Variants in PKHD1L1 observed in about 807,000 individuals in gnomAD.
PKHD1L1 encodes the protein fibrocystin-L.
Under a neutral mutation model 462.9 loss-of-function variants are expected in PKHD1L1, and 434 were observed. The ratio of observed to expected loss-of-function variants is 0.94; its 90% CI spans 0.87 to 1.02. PKHD1L1 has a LOEUF of 1.02. Ranked by LOEUF, PKHD1L1 falls within the 50% of genes least tolerant of loss-of-function variation. The pLI is 0.00. For missense variants in PKHD1L1, 5,202 were observed against 5,096.1 expected (o/e 1.02, Z -0.63); for synonymous variants, 1,781 against 1,750.0 (o/e 1.02, Z -0.44).
chr8:109,362,737 G>A, intron 1 of PKHD1L1, 84 bp downstream of exon 1: 1 of 1,437,036 alleles, frequency 7.0e-7, no homozygotes, highest in Non-Finnish European at 9.6e-7. Flanking sequence ...GGGAGAGGCA[G>A]GACCACCTGG....
chr8:109,438,591 G>A, intron 31 of PKHD1L1, 135 bp downstream of exon 31: 3 of 742,204 alleles, frequency 4.0e-6, no homozygotes, highest in Non-Finnish European at 6.2e-6. Flanking sequence ...GTGTGTGTAT[G>A]TTTTATCATA....
rs182317480 is a variant in PKHD1L1, at chr8:109,467,481, A to G, written c.8605+712A>G. On this transcript the variant is annotated intron_variant, in intron 50 of 77. Transcript: ENST00000378402. ...GAGGTGGCAAAATGGTTCCTAGAGT[A>G]TAGAGTATCCACATAGTTCCTCCTA... Among the ~76,000 whole-genome samples the G allele has an allele frequency of 3.7e-3, 541 of 145,958 alleles. 6 individuals carry two copies. The highest frequency in any genetic ancestry group is 0.013 in the African/African-American group (521 of 39,636).
At chr8:109,382,619 C>T (rs776962049) in intron 4 of PKHD1L1, 48 bp downstream of exon 4, 2 of 1,480,990 alleles carry the variant, frequency 1.4e-6, no homozygotes, top group Non-Finnish European at 9.2e-7. Flanking sequence ...ATCTTGCTTT[C>T]TTTCCTGCAG....
Position 109,404,658 on chromosome 8 carries a change from C to T in PKHD1L1, c.1478C>T (p.Ala493Val). Residue 493 changes from alanine to valine, a missense_variant, in exon 15 of 78, where the codon GCA becomes GTA. Physicochemically the swap from Ala to Val is moderately conservative, Grantham distance 64 (BLOSUM62 0). Transcript: ENST00000378402. ...TATACTGAACAACAAACAGGAGATG[C>T]AGTGAATGAAGAACAAGTTATCAAA... ...NVYTEQQTGD[A>V]VNEEQVIKSQ... 2 of 1,608,082 alleles carry T rather than the reference C, an allele frequency of 1.2e-6. No individual in the cohort carries two copies. The highest frequency in any genetic ancestry group is 1.7e-6 in the Non-Finnish European group (2 of 1,176,892).
At chr8:109,419,309 T>C in intron 22 of PKHD1L1, 49 bp downstream of exon 22, 1 of 1,414,132 alleles carries the variant, frequency 7.1e-7, no homozygotes, top group Non-Finnish European at 9.5e-7. Context: ...TAGTAAAATC[T>C]TACCATGGAA....
intron 10 of PKHD1L1, 55 bp downstream of exon 10, chr8:109,394,540 T>C: frequency 2.5e-6 from 3 of 1,183,166 alleles, no homozygotes; most frequent in African/African-American, 1.6e-5. Context: ...CAGTGTATAA[T>C]TGATTTAATC....
intron 55 of PKHD1L1, 63 bp downstream of exon 55, chr8:109,480,202 C>A: frequency 6.9e-7 from 1 of 1,459,238 alleles, no homozygotes; most frequent in South Asian, 1.4e-5. Context: ...TGTATTTACT[C>A]AAATAATAAG....
chr8:109,494,203 TA>T (rs1818974961), intron 63 of PKHD1L1, among the ~76,000 whole-genome samples: 3 of 152,102 alleles, frequency 2.0e-5, no homozygotes, highest in South Asian at 4.1e-4. Context: ...GATTTCTCTA[TA>T]TTGGATTAGT....
At chr8:109,502,158 G>C (rs1783158) in intron 67 of PKHD1L1, among the ~76,000 whole-genome samples, 59,135 of 151,614 alleles carry the variant, frequency 0.39, 11,670 homozygotes, top group South Asian at 0.57. Flanking sequence ...TATAATACAT[G>C]CAATTTCAAT....
chr8:109,419,785 C>A (rs756959793), intron 22 of PKHD1L1, among the ~76,000 whole-genome samples: 1 of 152,046 alleles, frequency 6.6e-6, no homozygotes, highest in Non-Finnish European at 1.5e-5. Context: ...TTAAACTCCA[C>A]GATCTTTTAA....
intron 46 of PKHD1L1, among the ~76,000 whole-genome samples, chr8:109,458,019 A>G (rs1816916657): frequency 6.6e-6 from 1 of 151,384 alleles, no homozygotes; most frequent in African/African-American, 2.4e-5. Flanking sequence ...CCATCCACCC[A>G]TTGTCTTGAT....
At chr8:109,479,274 T>C (rs991140917) in intron 53 of PKHD1L1, among the ~76,000 whole-genome samples, 16 of 152,096 alleles carry the variant, frequency 1.1e-4, no homozygotes, top group Non-Finnish European at 2.1e-4. Flanking sequence ...GCCACCCCCA[T>C]CCCAGCCCAG....
chr8:109,518,219 T>C lies in PKHD1L1; in HGVS notation c.11742T>C (p.Asp3914=), dbSNP rs944997618. ...CTGTCCTTGGTGAAAACTACTTTGATGGAACCTACCAGATGCTTTATCTTT... is the reference window on the plus strand; with the variant it reads ...CTGTCCTTGGTGAAAACTACTTTGACGGAACCTACCAGATGCTTTATCTTT... ...DSTVLGENYF[D]GTYQMLYLLV... Residue 3914 remains aspartate (D), a synonymous_variant, in exon 73 of 78, where the codon GAT becomes GAC. Transcript: ENST00000378402. The C allele has an allele frequency of 6.2e-7, 1 of 1,610,548 alleles. No homozygotes were observed. Among genetic ancestry groups the C allele is most frequent in the Admixed American group, 1.7e-5 (1 of 59,858 alleles).
intron 6 of PKHD1L1, among the ~76,000 whole-genome samples, chr8:109,387,790 T>G (rs1259519928): frequency 6.6e-6 from 1 of 152,208 alleles, no homozygotes; most frequent in Non-Finnish European, 1.5e-5. Context: ...AGTTCAAGTT[T>G]GTATCTGGCC....
Position 109,464,543 on chromosome 8 carries a change from A to AT in PKHD1L1, c.7712dup (p.Arg2572ThrfsTer22). On this transcript the variant is annotated frameshift_variant, in exon 49 of 78. Coordinates refer to ENST00000378402, the MANE Select transcript of PKHD1L1 (RefSeq NM_177531.6). LOFTEE classifies it high-confidence loss of function. ...TTGGGTCACCAACCCGAACAATACCATACGACACAATGCTGTTGCTGGTGG... is the reference window on the plus strand; with the variant it reads ...TTGGGTCACCAACCCGAACAATACCATTACGACACAATGCTGTTGCTGGTGG... 6.2e-7 allele frequency: 1 copy of AT among 1,613,730 alleles called. No individual in the cohort carries two copies. The highest frequency in any genetic ancestry group is 1.3e-5 in the African/African-American group (1 of 75,024).
At position 109,452,876 on chromosome 8, in the gene PKHD1L1, T is replaced by C; in HGVS notation, c.6664+2T>C. The C allele has an allele frequency of 1.4e-6, 2 of 1,412,654 alleles. No individual in the cohort carries two copies. Among genetic ancestry groups the C allele is most frequent in the South Asian group, 1.8e-5 (1 of 56,632 alleles). The allele number at this position is 1,412,654 out of a possible 1,614,324, so 87.5% of individuals were successfully genotyped here. A position where few individuals can be genotyped will look rare whatever the true frequency, so the allele number is the denominator to read the frequency against. On this transcript the variant is annotated splice_donor_variant, in intron 43 of 77. Coordinates refer to ENST00000378402, the MANE Select transcript of PKHD1L1 (RefSeq NM_177531.6). LOFTEE classifies it high-confidence loss of function. Reference sequence around the variant, plus strand: ...TTTTGAAAATGTTGCTTATTCAGGGTAAATTTCTGAATATCTGTTCATTGG... The same window carrying C: ...TTTTGAAAATGTTGCTTATTCAGGGCAAATTTCTGAATATCTGTTCATTGG...
intron 53 of PKHD1L1, among the ~76,000 whole-genome samples, chr8:109,477,847 T>C (rs1818071174): frequency 6.6e-6 from 1 of 152,168 alleles, no homozygotes; most frequent in Non-Finnish European, 1.5e-5. Context: ...TAAAACTTAG[T>C]TAATTTTCTT....
intron 57 of PKHD1L1, among the ~76,000 whole-genome samples, chr8:109,483,984 G>A (rs766935109): frequency 4.6e-5 from 7 of 151,720 alleles, no homozygotes; most frequent in Non-Finnish European, 1.0e-4. Context: ...TTAGAGAAAT[G>A]GATGGATTTC....
In PKHD1L1 at chr8:109,398,547, A is replaced by C. The variant is rs771687401; in HGVS notation, c.1011A>C (p.Pro337=). The change falls in exon 12 of 78, where the codon CCA becomes CCC. Residue 337 remains proline, a splice_region_variant and synonymous_variant. Coordinates refer to ENST00000378402, the MANE Select transcript of PKHD1L1 (RefSeq NM_177531.6). The part of the protein sequence containing the change: ...PKPHILKTVY[P]GGRGLKLEVW... ...CTCATATTCTCAAAACTGTATATCC[A>C]GGTAAGTTACCATAAGGGACAATGG... 9.5e-5 allele frequency: 146 copies of C among 1,529,550 alleles called. No individual in the cohort carries two copies. Among genetic ancestry groups the C allele is most frequent in the Non-Finnish European group, 1.3e-4 (142 of 1,120,122 alleles). The allele number at this position is 1,529,550 out of a possible 1,614,324, so 94.7% of individuals were successfully genotyped here.
Sources: gnomAD v4.1 joint callset for allele counts (sites outside exome capture counted in the v4.1 genomes callset) on GRCh38, gnomAD v4.1.1 for gene constraint, MANE v1.5 for transcripts, NCBI Gene and HGNC (gene_info 2026-07-23, HGNC 2026-07-21) for gene names.